The following SUMF1 variants were observed in gnomAD, a reference collection of about 807,000 sequenced individuals.
SUMF1 encodes the protein formylglycine-generating enzyme.
SUMF1 carries 48 observed loss-of-function variants against 47.6 expected under a neutral mutation model. The observed-to-expected ratio is 1.01, with a 90% CI of 0.80 to 1.28. The LOEUF is 1.28. SUMF1 is among the 50% of genes most tolerant of loss of function. SUMF1 has a pLI of 0.00. For missense variants in SUMF1, 571 were observed against 485.4 expected (o/e 1.18, Z -1.66); for synonymous variants, 230 against 192.1 (o/e 1.20, Z -1.63).
chr3:4,254,000 C>A (rs1696879701), intron 8 of SUMF1, among the ~76,000 whole-genome samples: 1 of 150,976 alleles, frequency 6.6e-6, no homozygotes, highest in African/African-American at 2.4e-5. Context: ...CCAGCAAGGG[C>A]ACACTGACAC....
At chr3:4,287,796 G>C (rs936341771) in intron 8 of SUMF1, among the ~76,000 whole-genome samples, 1 of 152,156 alleles carries the variant, frequency 6.6e-6, no homozygotes, top group African/African-American at 2.4e-5. Context: ...TTGTCATCTT[G>C]TTAGTTCTGC....
At position 4,198,030 on chromosome 3, in the gene SUMF1, C is replaced by A. The variant is rs1168068179; in HGVS notation, c.1015-129285G>T. On this transcript the variant is annotated intron_variant and NMD_transcript_variant, in intron 8 of 12. Transcript: ENST00000448413. ...GATGGGTTTTTGTGTTTGTTTTAGG[C>A]TTTTTTTTTTTTTTTCGGAAAGAGA... Among the ~76,000 whole-genome samples, 389 of 134,570 alleles carry A rather than the reference C, an allele frequency of 2.9e-3. 1 individual carries two copies. Among genetic ancestry groups the A allele is most frequent in the African/African-American group, 9.6e-3 (361 of 37,578 alleles). 88.3% of individuals were successfully genotyped at this position (134,570 alleles called of 152,430 possible).
chr3:4,253,219 T>A (rs763772292), intron 8 of SUMF1, among the ~76,000 whole-genome samples: 1 of 152,182 alleles, frequency 6.6e-6, no homozygotes, highest in East Asian at 1.9e-4. Flanking sequence ...ACCTTGCTTT[T>A]TTCTCTCCAT....
chr3:4,228,145 G>A (rs1170512269), intron 8 of SUMF1, among the ~76,000 whole-genome samples: 4 of 152,032 alleles, frequency 2.6e-5, no homozygotes, highest in African/African-American at 9.7e-5. Context: ...TGCAGACTAT[G>A]TGGATGACTT....
At chr3:4,408,616 C>A (rs1389660918) in intron 7 of SUMF1, among the ~76,000 whole-genome samples, 1 of 152,042 alleles carries the variant, frequency 6.6e-6, no homozygotes, top group African/African-American at 2.4e-5. Flanking sequence ...TTGCTTGAGG[C>A]GAGGAGTTCG....
chr3:4,190,400 A>C (rs1695289951), intron 8 of SUMF1, among the ~76,000 whole-genome samples: 1 of 152,150 alleles, frequency 6.6e-6, no homozygotes, highest in Non-Finnish European at 1.5e-5. Context: ...GTACAGAAGC[A>C]AAAGAATTAT....
intron 8 of SUMF1, among the ~76,000 whole-genome samples, chr3:4,146,221 A>C (rs1158978425): frequency 6.6e-6 from 1 of 152,134 alleles, no homozygotes; most frequent in Non-Finnish European, 1.5e-5. Context: ...GAAAGAGGAA[A>C]GGAAACAAGG....
At chr3:4,328,181 T>C (rs1206748368) in intron 8 of SUMF1, among the ~76,000 whole-genome samples, 4 of 152,130 alleles carry the variant, frequency 2.6e-5, no homozygotes, top group African/African-American at 9.7e-5. Context: ...TGTGACACTG[T>C]ACATTCCAGC....
At chr3:4,444,714 A>C (rs912447635) in intron 3 of SUMF1, among the ~76,000 whole-genome samples, 2 of 152,230 alleles carry the variant, frequency 1.3e-5, no homozygotes, top group African/African-American at 4.8e-5. Context: ...AACAGGTTAA[A>C]CTAAAAATCA....
chr3:4,169,438 A>G (rs893021200), intron 8 of SUMF1, among the ~76,000 whole-genome samples: 5 of 152,184 alleles, frequency 3.3e-5, no homozygotes, highest in Non-Finnish European at 7.4e-5. Context: ...AAAAGGGGCC[A>G]TGTGACTGGA....
chr3:4,166,617 C>T (rs913229527), intron 8 of SUMF1, among the ~76,000 whole-genome samples: 1 of 152,096 alleles, frequency 6.6e-6, no homozygotes, highest in African/African-American at 2.4e-5. Context: ...TGACTAGCCT[C>T]AGAGAAGAGA....
intron 8 of SUMF1, among the ~76,000 whole-genome samples, chr3:4,234,217 A>T (rs1010622326): frequency 1.3e-5 from 2 of 151,998 alleles, no homozygotes; most frequent in African/African-American, 4.8e-5. Context: ...TCACTTTTAA[A>T]GTCAGAGGTT....
intron 8 of SUMF1, among the ~76,000 whole-genome samples, chr3:4,114,962 T>G (rs1478638043): frequency 1.3e-5 from 2 of 152,090 alleles, no homozygotes; most frequent in African/African-American, 4.8e-5. Context: ...GCTAGGGCTC[T>G]TCCCTTCTGG....
Position 4,362,073 on chromosome 3 carries a change from A to C in SUMF1, c.*71T>G. 1 of 1,451,552 alleles carries C rather than the reference A, an allele frequency of 6.9e-7. No homozygotes were observed. The highest frequency in any genetic ancestry group is 9.7e-7 in the Non-Finnish European group (1 of 1,035,974). 89.9% of individuals were successfully genotyped at this position (1,451,552 alleles called of 1,614,324 possible). On this transcript the variant is annotated 3_prime_UTR_variant, in exon 9 of 9. Coordinates refer to ENST00000272902, the MANE Select transcript of SUMF1 (RefSeq NM_182760.4). ...GGAATTCTTTGCATGGGATCGTTCAAAGTTCTGAGAAAAGCCCAATGTAGG... is the reference window on the plus strand; with the variant it reads ...GGAATTCTTTGCATGGGATCGTTCACAGTTCTGAGAAAAGCCCAATGTAGG...
chr3:4,406,591 C>T (rs892797241), intron 7 of SUMF1, among the ~76,000 whole-genome samples: 2 of 152,124 alleles, frequency 1.3e-5, no homozygotes, highest in Non-Finnish European at 2.9e-5. Flanking sequence ...ACCTGGGAGG[C>T]GGAGGTTGCA....
intron 8 of SUMF1, among the ~76,000 whole-genome samples, chr3:4,336,466 G>T (rs116065619): frequency 6.6e-6 from 1 of 152,126 alleles, no homozygotes; most frequent in Non-Finnish European, 1.5e-5. Context: ...CTATGACACG[G>T]GTTGTGAAAT....
intron 8 of SUMF1, chr3:4,316,848 A>G: frequency 6.5e-7 from 1 of 1,549,964 alleles, no homozygotes; most frequent in Non-Finnish European, 8.7e-7. Flanking sequence ...TCCCGGTGAA[A>G]CCATTACATC....
At chr3:4,229,945 T>A (rs554473537) in intron 8 of SUMF1, among the ~76,000 whole-genome samples, 62 of 152,086 alleles carry the variant, frequency 4.1e-4, no homozygotes, top group African/African-American at 1.4e-3. Context: ...CCCAGGAGTT[T>A]AACACTGCAG....
At chr3:4,061,709 C>T (rs1047191328) in intron 9 of SUMF1, among the ~76,000 whole-genome samples, 5 of 152,046 alleles carry the variant, frequency 3.3e-5, no homozygotes, top group South Asian at 4.1e-4. Flanking sequence ...AACAGTTGGA[C>T]TGGGTACAGC....
Sources: gnomAD v4.1 joint callset for allele counts (sites outside exome capture counted in the v4.1 genomes callset) on GRCh38, gnomAD v4.1.1 for gene constraint, MANE v1.5 for transcripts, NCBI Gene and HGNC (gene_info 2026-07-23, HGNC 2026-07-21) for gene names.